L3HYPDH: variants seen among roughly 807,000 people sequenced by gnomAD.
L3HYPDH encodes trans-3-hydroxy-L-proline dehydratase.
L3HYPDH carries 32 observed loss-of-function variants against 26.5 expected under a neutral mutation model. That is an observed-to-expected ratio of 1.21 (90% confidence interval 0.91 to 1.62). The LOEUF (loss-of-function observed/expected upper bound fraction) is 1.62. Ranked by LOEUF, L3HYPDH falls within the 40% of genes most tolerant of loss-of-function variation. The pLI is 0.00. For missense variants in L3HYPDH, 554 were observed against 476.4 expected (o/e 1.16, Z -1.52); for synonymous variants, 215 against 196.6 (o/e 1.09, Z -0.78).
At chr14:59,468,748 T>C (rs558238674), downstream of L3HYPDH, among the ~76,000 whole-genome samples, 1 of 152,214 alleles carries the variant, frequency 6.6e-6, no homozygotes, top group East Asian at 1.9e-4. Flanking sequence ...AATGCCAACA[T>C]ACAAAAAAAT....
In L3HYPDH at chr14:59,479,360, A is replaced by G. The variant is rs753710027; in HGVS notation, c.509-9T>C. 2.5e-6 allele frequency: 4 copies of G among 1,607,492 alleles called. No individual in the cohort carries two copies. The Admixed American group carries it at 5.2e-5, about 21-fold the overall frequency. On this transcript the variant is annotated splice_polypyrimidine_tract_variant and intron_variant, in intron 1 of 4. Transcript: ENST00000247194. Reference sequence around the variant, plus strand: ...AACATCCACCATGAGATCTAAAAAAAAGATGTGTTTGGAAAGAAGATGTGT... The same window carrying G: ...AACATCCACCATGAGATCTAAAAAAGAGATGTGTTTGGAAAGAAGATGTGT...
Position 59,484,408 on chromosome 14 carries a change from T to C in L3HYPDH, c.-92A>G. ...ACTCCGCGGGAGGAGGGCGGGACGC[T>C]AACCAGCCACGTCCGGGGGGCGGGG... On this transcript the variant is annotated 5_prime_UTR_variant, in exon 1 of 5. Transcript: ENST00000247194. The C allele has an allele frequency of 7.0e-7, 1 of 1,422,624 alleles. No homozygotes were observed. The highest frequency in any genetic ancestry group is 9.6e-7 in the Non-Finnish European group (1 of 1,046,842). The allele number at this position is 1,422,624 out of a possible 1,614,324, so 88.1% of individuals were successfully genotyped here.
At chr14:59,483,237 G>C (rs746233151) in intron 1 of L3HYPDH, among the ~76,000 whole-genome samples, 1 of 152,196 alleles carries the variant, frequency 6.6e-6, no homozygotes, top group Non-Finnish European at 1.5e-5. Flanking sequence ...GCTTTAGGGG[G>C]TTATCAGGAT....
the L3HYPDH span, among the ~76,000 whole-genome samples, chr14:59,492,253 TA>T: frequency 8.1e-4 from 120 of 147,788 alleles, no homozygotes; most frequent in Admixed American, 1.6e-3. Context: ...CTTGCCAAAA[TA>T]AAAAAAAAGG....
rs3834526 is a variant in L3HYPDH, at chr14:59,481,213, AT to A, written c.509-1863del. On this transcript the variant is annotated intron_variant, in intron 1 of 4. Coordinates refer to ENST00000247194, the MANE Select transcript of L3HYPDH (RefSeq NM_144581.2). ...CCTTTAAAGTTACTCTTGTCCACCAATTATCTGTGACTATTTCATTTTTTAA... is the reference window on the plus strand; with the variant it reads ...CCTTTAAAGTTACTCTTGTCCACCAATATCTGTGACTATTTCATTTTTTAA... 2.3e-3 allele frequency among the ~76,000 whole-genome samples: 355 copies of A among 152,348 alleles called. 16 individuals carry two copies. In the East Asian group the frequency reaches 0.06, roughly 26 times the overall value.
At chr14:59,483,444 C>T (rs1292134083) in intron 1 of L3HYPDH, 11 of 1,076,640 alleles carry the variant, frequency 1.0e-5, no homozygotes, top group Non-Finnish European at 1.3e-5. Context: ...AGCCTGGAAC[C>T]CTGGTACATT....
the L3HYPDH span, among the ~76,000 whole-genome samples, chr14:59,494,617 A>G: frequency 6.6e-6 from 1 of 152,228 alleles, no homozygotes; most frequent in African/African-American, 2.4e-5. Flanking sequence ...ATGGGGAGGA[A>G]CAAAGATGTA....
chr14:59,491,374 A>G, the L3HYPDH span, among the ~76,000 whole-genome samples: 1 of 152,220 alleles, frequency 6.6e-6, no homozygotes, highest in Non-Finnish European at 1.5e-5. Flanking sequence ...ATTGTATTTC[A>G]TTTTGTAAAG....
the L3HYPDH span, among the ~76,000 whole-genome samples, chr14:59,496,679 G>A: frequency 6.6e-6 from 1 of 152,206 alleles, no homozygotes; most frequent in East Asian, 1.9e-4. Flanking sequence ...AGAATCTTGT[G>A]GCAGCACTCT....
At chr14:59,504,241 GA>G in the L3HYPDH span, 2 of 606,156 alleles carry the variant, frequency 3.3e-6, no homozygotes, top group East Asian at 5.5e-5. Context: ...TACAGACTTG[GA>G]AAATGCAAAA....
upstream of L3HYPDH, chr14:59,486,567 A>G: frequency 1.6e-6 from 1 of 636,384 alleles, no homozygotes; most frequent in Non-Finnish European, 2.8e-6. Flanking sequence ...GAGAAATGTA[A>G]ATTTAAAAAT....
In L3HYPDH at chr14:59,483,891, C is replaced by A. The variant is rs750839371; in HGVS notation, c.426G>T (p.Val142=). 6.4e-7 allele frequency: 1 copy of A among 1,567,344 alleles called. No individual in the cohort carries two copies. The highest frequency in any genetic ancestry group is 2.3e-5 in the East Asian group (1 of 42,698). The change falls in exon 1 of 5, where the codon GTG becomes GTT. Residue 142 remains valine, a synonymous_variant. Coordinates refer to ENST00000247194, the MANE Select transcript of L3HYPDH (RefSeq NM_144581.2). ...RVNIHCPCGL[V]TAFVACEDGR... ...CGTCCTCGCATGCCACGAAGGCGGT[C>A]ACCAGCCCGCAGGGGCAGTGGATAT...
At chr14:59,501,734 T>C in the L3HYPDH span, among the ~76,000 whole-genome samples, 1 of 152,230 alleles carries the variant, frequency 6.6e-6, no homozygotes, top group Non-Finnish European at 1.5e-5. Context: ...TGTTTACTTT[T>C]ACCCCATAAT....
chr14:59,486,260 A>C (rs1179644497), upstream of L3HYPDH, among the ~76,000 whole-genome samples: 1 of 152,244 alleles, frequency 6.6e-6, no homozygotes, highest in Non-Finnish European at 1.5e-5. Flanking sequence ...CCCATGTGAA[A>C]ATGTGTTCTG....
At chr14:59,495,428 G>A in the L3HYPDH span, 10 of 522,706 alleles carry the variant, frequency 1.9e-5, no homozygotes, top group Admixed American at 2.3e-4. Flanking sequence ...CTTATAAGGT[G>A]TCGTGAGGAT....
the L3HYPDH span, chr14:59,495,224 TGTAA>T: frequency 5.7e-6 from 9 of 1,591,122 alleles, no homozygotes; most frequent in South Asian, 2.2e-5. Context: ...GTCTACCCAC[TGTAA>T]GTGTTTATTT....
At chr14:59,485,441 CT>C (rs1260303123), upstream of L3HYPDH, 3 of 236,934 alleles carry the variant, frequency 1.3e-5, no homozygotes, top group Non-Finnish European at 2.4e-5. Context: ...TTATTCAATG[CT>C]GTTTCTCTTT....
chr14:59,497,547 T>G, the L3HYPDH span, among the ~76,000 whole-genome samples: 9 of 152,212 alleles, frequency 5.9e-5, no homozygotes, highest in Non-Finnish European at 1.0e-4. Flanking sequence ...TTTTTTTCTT[T>G]TGCTGTTGAT....
downstream of L3HYPDH, among the ~76,000 whole-genome samples, chr14:59,468,061 T>TAA (rs34805254): frequency 6.6e-6 from 1 of 151,944 alleles, no homozygotes; most frequent in African/African-American, 2.4e-5. Flanking sequence ...ATAATGCTCT[T>TAA]AAAAAAATTC....
Sources: allele counts gnomAD v4.1 joint callset (sites outside exome capture counted in the v4.1 genomes callset), GRCh38; gene constraint gnomAD v4.1.1; transcripts MANE v1.5; gene names NCBI Gene and HGNC (gene_info 2026-07-23, HGNC 2026-07-21).